The following DISC1 variants were observed in gnomAD, a reference collection of about 807,000 sequenced individuals.
DISC1 encodes DISC1 scaffold protein.
Under a neutral mutation model 84.5 loss-of-function variants are expected in DISC1, and 57 were observed. The observed-to-expected ratio is 0.67, with a 90% CI of 0.55 to 0.84. The LOEUF (loss-of-function observed/expected upper bound fraction) is 0.84. Among genes scored for constraint, DISC1 ranks in the 40% least tolerant of loss-of-function variants. The pLI is 0.00. For synonymous variants in DISC1, 411 were observed against 415.2 expected (o/e 0.99, Z 0.12); for missense variants, 1,000 against 1,057.8 (o/e 0.95, Z 0.76).
chr1:231,877,575 C>G (rs569189413), intron 9 of DISC1, among the ~76,000 whole-genome samples: 4 of 152,318 alleles, frequency 2.6e-5, no homozygotes, highest in African/African-American at 7.2e-5. Flanking sequence ...TTCTTACTAA[C>G]CAGCTTTCAA....
At chr1:231,869,709 C>CGG (rs557636008) in intron 9 of DISC1, among the ~76,000 whole-genome samples, 1 of 152,132 alleles carries the variant, frequency 6.6e-6, no homozygotes, top group Non-Finnish European at 1.5e-5. Context: ...GGGTGACCTG[C>CGG]ACCTATGCCT....
At chr1:231,734,519 A>G (rs1006034759) in intron 3 of DISC1, among the ~76,000 whole-genome samples, 1 of 151,982 alleles carries the variant, frequency 6.6e-6, no homozygotes, top group Non-Finnish European at 1.5e-5. Flanking sequence ...ACACACACGC[A>G]TGCGCACACA....
chr1:232,029,501 A>G (rs2103052441), intron 12 of DISC1, among the ~76,000 whole-genome samples: 1 of 152,274 alleles, frequency 6.6e-6, no homozygotes, highest in East Asian at 1.9e-4. Flanking sequence ...TTGTATTTCC[A>G]TGTTTGATCA....
chr1:231,700,930 C>T (rs1457986193), intron 2 of DISC1, among the ~76,000 whole-genome samples: 1 of 152,098 alleles, frequency 6.6e-6, no homozygotes, highest in Non-Finnish European at 1.5e-5. Flanking sequence ...GGGATCAAGC[C>T]CAAATCCATT....
intron 9 of DISC1, among the ~76,000 whole-genome samples, chr1:231,896,115 G>C (rs199875023): frequency 1.8e-4 from 28 of 152,044 alleles, no homozygotes; most frequent in Non-Finnish European, 3.4e-4. Flanking sequence ...GAGTTTCATC[G>C]TACCAATGAT....
chr1:231,714,056 A>C (rs1324520426), intron 3 of DISC1, among the ~76,000 whole-genome samples: 1 of 151,936 alleles, frequency 6.6e-6, no homozygotes, highest in Non-Finnish European at 1.5e-5. Context: ...AAATTCTATA[A>C]AGTTTTAGGT....
chr1:231,853,965 T>G (rs2084081292), intron 9 of DISC1, among the ~76,000 whole-genome samples: 1 of 152,158 alleles, frequency 6.6e-6, no homozygotes. Context: ...TAATCTGTTG[T>G]TTACTGCACA....
intron 9 of DISC1, among the ~76,000 whole-genome samples, chr1:231,917,747 G>C (rs189295676): frequency 8.6e-4 from 131 of 152,238 alleles, no homozygotes; most frequent in Non-Finnish European, 1.5e-3. Context: ...GTTCTTCCCC[G>C]CCTTAAAGGA....
chr1:231,841,754 T>A (rs1168019606), intron 9 of DISC1, among the ~76,000 whole-genome samples: 1 of 152,164 alleles, frequency 6.6e-6, no homozygotes, highest in East Asian at 1.9e-4. Flanking sequence ...ATCACTCAGG[T>A]TGTAACCAAA....
In DISC1 at chr1:231,767,242, G is replaced by T. The variant is rs2076233354; in HGVS notation, c.1371G>T (p.Trp457Cys). 3 of 1,614,204 alleles carry T rather than the reference G, an allele frequency of 1.9e-6. No individual in the cohort carries two copies. The highest frequency in any genetic ancestry group is 1.1e-5 in the South Asian group (1 of 91,076). ...SLHVSITRRD[W>C]LLQEKQQLQK... ...ACGTGTCCATCACGAGACGAGACTG[G>T]CTTCTTCAGGAAAAGCAGCAGCTAC... Residue 457 changes from tryptophan to cysteine, a missense_variant, in exon 5 of 13, where the codon TGG becomes TGT. This residue lies in a region of DISC1 where 311 missense variants were observed against 400.1 expected (regional missense o/e 0.78). Coordinates refer to ENST00000439617, the MANE Select transcript of DISC1 (RefSeq NM_018662.3).
chr1:231,656,678 A>T (rs1407161061), intron 1 of DISC1, among the ~76,000 whole-genome samples: 2 of 152,132 alleles, frequency 1.3e-5, no homozygotes, highest in Non-Finnish European at 2.9e-5. Flanking sequence ...CAGGTTTGTT[A>T]CACAAGTAAA....
intron 3 of DISC1, chr1:231,723,768 G>A (rs12023889): frequency 0.033 from 32,460 of 985,398 alleles, 630 homozygotes; most frequent in East Asian, 0.12. Flanking sequence ...GTTGGGGTGA[G>A]GAAAGGCAAG....
At chr1:231,911,433 G>A (rs1425295058) in intron 9 of DISC1, among the ~76,000 whole-genome samples, 1 of 152,112 alleles carries the variant, frequency 6.6e-6, no homozygotes, top group African/African-American at 2.4e-5. Flanking sequence ...CTTTGCTTAT[G>A]TAGCTTAGTT....
chr1:231,665,709 T>A (rs1237243996), intron 1 of DISC1, among the ~76,000 whole-genome samples: 1 of 152,248 alleles, frequency 6.6e-6, no homozygotes, highest in Non-Finnish European at 1.5e-5. Context: ...AGCCTATTAG[T>A]AGGTAAGATT....
intron 2 of DISC1, among the ~76,000 whole-genome samples, chr1:231,700,627 G>T (rs973893905): frequency 6.6e-6 from 1 of 152,162 alleles, no homozygotes; most frequent in African/African-American, 2.4e-5. Flanking sequence ...CATAATCCCC[G>T]TTGTTCAAGG....
chr1:231,688,208 G>A (rs753434489), intron 1 of DISC1, among the ~76,000 whole-genome samples: 3 of 152,138 alleles, frequency 2.0e-5, no homozygotes, highest in Non-Finnish European at 4.4e-5. Flanking sequence ...CCTGGTGCTT[G>A]TATGAGTATG....
intron 9 of DISC1, among the ~76,000 whole-genome samples, chr1:231,879,088 C>T (rs1181584242): frequency 4.0e-5 from 6 of 150,282 alleles, no homozygotes; most frequent in South Asian, 4.2e-4. Context: ...GGAGTGTTTC[C>T]GATTTTTTTT....
Position 232,009,622 on chromosome 1 carries a change from A to G in DISC1, c.2307+573A>G, listed in dbSNP as rs1667852286. On this transcript the variant is annotated intron_variant, in intron 11 of 12. Coordinates refer to ENST00000439617, the MANE Select transcript of DISC1 (RefSeq NM_018662.3). The surrounding 1 kb of genome is among the most constrained non-coding windows in gnomAD (Gnocchi z 4.6). ...ACAACTAAAGTTTGGCCTGAGATAT[A>G]TGTATTACAAATTAAAATATGGTTT... 1.1e-6 allele frequency: 1 copy of G among 887,388 alleles called. No individual in the cohort carries two copies. The allele number at this position is 887,388 out of a possible 1,614,324, so 55.0% of individuals were successfully genotyped here.
intron 8 of DISC1, chr1:231,815,061 T>G (rs2125731091): frequency 6.6e-6 from 1 of 151,940 alleles, no homozygotes; most frequent in Non-Finnish European, 1.5e-5. Flanking sequence ...TTATGGTTAC[T>G]ATAAATTCTG....
Sources: allele counts gnomAD v4.1 joint callset (sites outside exome capture counted in the v4.1 genomes callset), GRCh38; gene constraint gnomAD v4.1.1; regional missense constraint gnomAD v4.1.1; non-coding constraint Gnocchi (gnomAD v3.1); transcripts MANE v1.5; gene names NCBI Gene and HGNC (gene_info 2026-07-23, HGNC 2026-07-21).